Variants in DSCAM observed in about 807,000 individuals in gnomAD.
The protein encoded by DSCAM is cell adhesion molecule DSCAM.
DSCAM carries 47 observed loss-of-function variants against 217.7 expected under a neutral mutation model. The observed-to-expected ratio is 0.22, with a 90% CI of 0.17 to 0.28. The LOEUF (loss-of-function observed/expected upper bound fraction) is 0.28, where lower values mean the gene tolerates loss of function less well. DSCAM is among the 10% of genes least tolerant of loss of function. The pLI, the probability that DSCAM is intolerant of heterozygous loss-of-function variation, is 1.00. For missense variants in DSCAM, 2,080 were observed against 2,618.3 expected (o/e 0.79, Z 4.49); for synonymous variants, 1,056 against 1,015.3 (o/e 1.04, Z -0.76).
chr21:40,275,456 T>C (rs1024041201), intron 11 of DSCAM, among the ~76,000 whole-genome samples: 7 of 152,220 alleles, frequency 4.6e-5, no homozygotes, highest in Admixed American at 3.9e-4. Flanking sequence ...CATCATTTTG[T>C]TAATAAGCAC....
chr21:40,237,111 C>T (rs1191505265), intron 11 of DSCAM, among the ~76,000 whole-genome samples: 1 of 152,192 alleles, frequency 6.6e-6, no homozygotes, highest in Non-Finnish European at 1.5e-5. Context: ...AATAAGTTCT[C>T]ACTCTTGAAA....
At chr21:40,730,253 T>A (rs928571960) in intron 1 of DSCAM, among the ~76,000 whole-genome samples, 2 of 152,312 alleles carry the variant, frequency 1.3e-5, no homozygotes. Context: ...TGGAGAAATG[T>A]CCTGGAGGCA....
At chr21:40,403,932 A>G (rs12482166) in intron 3 of DSCAM, among the ~76,000 whole-genome samples, 2,912 of 152,294 alleles carry the variant, frequency 0.019, 39 homozygotes, top group Middle Eastern at 0.082. Context: ...TTTCCAAATC[A>G]TTCATCATCA....
chr21:40,574,759 G>C (rs1371850185), intron 3 of DSCAM, among the ~76,000 whole-genome samples: 2 of 150,356 alleles, frequency 1.3e-5, no homozygotes, highest in African/African-American at 2.5e-5. Flanking sequence ...CCTAGGCTGG[G>C]TGCAATGGCA....
chr21:40,051,932 C>T lies in DSCAM; in HGVS notation c.5185+26G>A, dbSNP rs761507454. On this transcript the variant is annotated intron_variant, in intron 30 of 32. Transcript: ENST00000400454. ...GTTTTCAGCATTGTTAACACCCACA[C>T]ATTTTAAGCATTGTTGACCACTCAC... is the stretch of plus-strand genomic sequence containing the variant. 4.4e-6 allele frequency: 7 copies of T among 1,595,108 alleles called. No homozygotes were observed. The Admixed American group carries it at 5.4e-5, about 12-fold the overall frequency.
At chr21:40,249,046 C>T (rs1349833550) in intron 11 of DSCAM, among the ~76,000 whole-genome samples, 1 of 152,232 alleles carries the variant, frequency 6.6e-6, no homozygotes, top group Non-Finnish European at 1.5e-5. Flanking sequence ...TTATCTCCCA[C>T]TGGGTCCCTC....
chr21:40,363,294 C>A (rs1215935586), intron 4 of DSCAM, among the ~76,000 whole-genome samples: 1 of 136,402 alleles, frequency 7.3e-6, no homozygotes, highest in Non-Finnish European at 1.5e-5. Flanking sequence ...ACTCTTGTCA[C>A]CAGGCTGGAG....
At chr21:40,355,085 G>T (rs2074677591) in intron 4 of DSCAM, among the ~76,000 whole-genome samples, 1 of 152,126 alleles carries the variant, frequency 6.6e-6, no homozygotes, top group South Asian at 2.1e-4. Flanking sequence ...TGTTGGGCGG[G>T]TGGTGTTGGG....
At chr21:40,549,077 C>T (rs7276715) in intron 3 of DSCAM, among the ~76,000 whole-genome samples, 66,123 of 151,910 alleles carry the variant, frequency 0.44, 15,536 homozygotes, top group Admixed American at 0.54. Context: ...TGGTGGTGTG[C>T]GCCCGAGGTC....
At chr21:40,076,669 C>T (rs546036187) in intron 26 of DSCAM, among the ~76,000 whole-genome samples, 11 of 152,228 alleles carry the variant, frequency 7.2e-5, no homozygotes, top group Admixed American at 3.3e-4. Flanking sequence ...ATTTAAAATC[C>T]GCAGAACACT....
intron 16 of DSCAM, among the ~76,000 whole-genome samples, chr21:40,163,370 T>C (rs2146764168): frequency 6.6e-6 from 1 of 152,362 alleles, no homozygotes; most frequent in Middle Eastern, 3.4e-3. Flanking sequence ...AAACCTGCCA[T>C]GAATTAAATT....
chr21:40,425,974 C>T (rs2075471241), intron 3 of DSCAM, among the ~76,000 whole-genome samples: 1 of 152,180 alleles, frequency 6.6e-6, no homozygotes, highest in African/African-American at 2.4e-5. Context: ...TGAAGCTAAA[C>T]TTTTCAGTAA....
chr21:40,316,390 C>T (rs1229848544), intron 8 of DSCAM, among the ~76,000 whole-genome samples: 2 of 152,168 alleles, frequency 1.3e-5, no homozygotes, highest in Non-Finnish European at 2.9e-5. Context: ...TGCAAGTCTG[C>T]TGCATACAAA....
chr21:40,411,632 A>G lies in DSCAM; in HGVS notation c.509-42387T>C, dbSNP rs78605712. ...TAAACACTACTCAACATAAGTTATA[A>G]TAGCTAAAACCATTGATGTGAAATA... On this transcript the variant is annotated intron_variant, in intron 3 of 32. Transcript: ENST00000400454. Among the ~76,000 whole-genome samples the G allele has an allele frequency of 3.2e-3, 488 of 152,332 alleles. 4 individuals carry two copies. Among genetic ancestry groups the G allele is most frequent in the African/African-American group, 0.011 (447 of 41,578 alleles).
At chr21:40,324,126 AAAAAAG>A (rs1406189883) in intron 8 of DSCAM, among the ~76,000 whole-genome samples, 3,197 of 139,350 alleles carry the variant, frequency 0.023, 100 homozygotes, top group African/African-American at 0.089. Context: ...AAAAAAAAAA[AAAAAAG>A]AAAAAAAAAA....
At chr21:40,090,967 G>A (rs566661772) in intron 21 of DSCAM, among the ~76,000 whole-genome samples, 1 of 152,160 alleles carries the variant, frequency 6.6e-6, no homozygotes, top group Non-Finnish European at 1.5e-5. Context: ...GAGAATTTGG[G>A]TGTTCATTCT....
intron 3 of DSCAM, among the ~76,000 whole-genome samples, chr21:40,673,807 C>T (rs77203689): frequency 6.6e-6 from 1 of 152,058 alleles, no homozygotes; most frequent in African/African-American, 2.4e-5. Context: ...CTCTGACTTC[C>T]ACCATGAGTA....
chr21:40,733,134 T>C (rs890841381), intron 1 of DSCAM, among the ~76,000 whole-genome samples: 1 of 152,198 alleles, frequency 6.6e-6, no homozygotes, highest in African/African-American at 2.4e-5. Context: ...ATGCAGGTGC[T>C]GGAGGGGCAA....
At chr21:40,689,391 C>T (rs1162702621) in intron 3 of DSCAM, among the ~76,000 whole-genome samples, 2 of 152,200 alleles carry the variant, frequency 1.3e-5, no homozygotes, top group East Asian at 3.9e-4. Flanking sequence ...AGCTAAGCAT[C>T]CCCCAGGCTG....
Sources: allele counts gnomAD v4.1 joint callset (sites outside exome capture counted in the v4.1 genomes callset), GRCh38; gene constraint gnomAD v4.1.1; transcripts MANE v1.5; gene names NCBI Gene and HGNC (gene_info 2026-07-23, HGNC 2026-07-21).